Variants in CFAP77 observed in about 807,000 individuals in gnomAD.
The protein encoded by CFAP77 is cilia- and flagella-associated protein 77.
Under a neutral mutation model 31.1 loss-of-function variants are expected in CFAP77, and 25 were observed. The ratio of observed to expected loss-of-function variants is 0.80; its 90% CI spans 0.59 to 1.12. CFAP77 has a LOEUF of 1.12. Ranked by LOEUF, CFAP77 falls within the 50% of genes most tolerant of loss-of-function variation. The pLI is 0.00. For missense variants in CFAP77, 377 were observed against 397.3 expected, an observed-to-expected ratio of 0.95 and a Z score of 0.44; for synonymous variants, 151 against 159.9, an observed-to-expected ratio of 0.94 and a Z score of 0.42.
Position 132,482,959 on chromosome 9 carries a change from T to TAA in CFAP77, c.196-15736_196-15735insAA, listed in dbSNP as rs1270391519. 1.6e-3 allele frequency among the ~76,000 whole-genome samples: 164 copies of TAA among 105,014 alleles called. 2 individuals are homozygous for TAA. The highest frequency in any genetic ancestry group is 0.011 in the African/African-American group (160 of 15,040). 68.9% of individuals were successfully genotyped at this position (105,014 alleles called of 152,430 possible). On this transcript the variant is annotated intron_variant, in intron 1 of 5. Coordinates refer to ENST00000393216, the MANE Select transcript of CFAP77 (RefSeq NM_001282957.2). ...CTAAAACTTAAAGTATAATAATAATTTAAAAAAAAAAAAAAGAACGCACCC... is the reference window on the plus strand; with the variant it reads ...CTAAAACTTAAAGTATAATAATAATTAATAAAAAAAAAAAAAAGAACGCACCC...
At position 132,572,504 on chromosome 9, in the gene CFAP77, C is replaced by T. The variant is rs144864061; in HGVS notation, c.849C>T (p.His283=). Residue 283 remains histidine (H), a synonymous_variant, in exon 6 of 6, where the codon CAC becomes CAT. Transcript: ENST00000393216. Reference sequence around the variant, plus strand: ...CCCTGCGGATGGGCAACTACACCCACCCCTAGCCCCTCCCTCCCCTGCCAC... The same window carrying T: ...CCCTGCGGATGGGCAACTACACCCATCCCTAGCCCCTCCCTCCCCTGCCAC... ...QGTLRMGNYT[H]P 4.0e-5 allele frequency: 64 copies of T among 1,603,410 alleles called. No homozygotes were observed. The highest frequency in any genetic ancestry group is 5.2e-5 in the Non-Finnish European group (61 of 1,178,876).
At chr9:132,422,129 C>T (rs1850226486) in intron 1 of CFAP77, among the ~76,000 whole-genome samples, 1 of 152,208 alleles carries the variant, frequency 6.6e-6, no homozygotes, top group Non-Finnish European at 1.5e-5. Flanking sequence ...CTGCCTCAGC[C>T]TCCCCAGTAT....
rs1851423943 is a variant in CFAP77 at position 132,480,319 on chromosome 9, G to A, written c.196-18376G>A. 6.6e-6 allele frequency among the ~76,000 whole-genome samples: 1 copy of A among 152,204 alleles called. No homozygotes were observed. The highest frequency in any genetic ancestry group is 2.4e-5 in the African/African-American group (1 of 41,458). ...GGGGTCAACAGCAGGGCAGGAAAGG[G>A]CTTTCCCACTTTTTGCCCTCATAGC... On this transcript the variant is annotated intron_variant, in intron 1 of 5. Transcript: ENST00000393216. This position sits in a 1 kb window ranked among gnomAD's most constrained non-coding sequence, Gnocchi z 5.8.
intron 1 of CFAP77, among the ~76,000 whole-genome samples, chr9:132,441,892 C>A (rs1323194110): frequency 6.6e-6 from 1 of 152,218 alleles, no homozygotes; most frequent in African/African-American, 2.4e-5. Flanking sequence ...CCACCCCAGA[C>A]CTTCCTAATC....
intron 5 of CFAP77, among the ~76,000 whole-genome samples, chr9:132,561,662 C>CACA (rs1564253362): frequency 1.8e-4 from 9 of 50,138 alleles, no homozygotes; most frequent in South Asian, 5.0e-4. Context: ...CACACACACA[C>CACA]CCCCTCCATG....
intron 1 of CFAP77, among the ~76,000 whole-genome samples, chr9:132,437,858 A>G (rs975357185): frequency 4.6e-5 from 7 of 151,384 alleles, no homozygotes; most frequent in African/African-American, 1.5e-4. Context: ...AAATGGGTAT[A>G]TAGTAATTTC....
chr9:132,566,667 C>T (rs1005667218), intron 5 of CFAP77, among the ~76,000 whole-genome samples: 1 of 152,188 alleles, frequency 6.6e-6, no homozygotes, highest in South Asian at 2.1e-4. Flanking sequence ...AAGGGCCCAT[C>T]CCACCTGAGG....
intron 5 of CFAP77, among the ~76,000 whole-genome samples, chr9:132,555,880 C>A (rs1327952817): frequency 2.0e-5 from 3 of 151,984 alleles, no homozygotes; most frequent in Non-Finnish European, 4.4e-5. Context: ...TGGCAAGTGC[C>A]AATTAATATT....
intron 3 of CFAP77, among the ~76,000 whole-genome samples, chr9:132,537,120 G>A (rs1462071285): frequency 6.6e-6 from 1 of 152,186 alleles, no homozygotes; most frequent in African/African-American, 2.4e-5. Context: ...GCCAAGGGAG[G>A]GGCGGGGTCA....
chr9:132,458,357 G>GGTGGGGGTGGGGT (rs1554738863), intron 1 of CFAP77, among the ~76,000 whole-genome samples: 1 of 119,042 alleles, frequency 8.4e-6, no homozygotes, highest in Non-Finnish European at 1.7e-5. Flanking sequence ...GAGGGGGGGG[G>GGTGGGGGTGGGGT]GTGTGTATGG....
Position 132,523,180 on chromosome 9 carries a change from C to T in CFAP77, c.525-14421C>T, listed in dbSNP as rs191505417. On this transcript the variant is annotated intron_variant, in intron 3 of 5. Coordinates refer to ENST00000393216, the MANE Select transcript of CFAP77 (RefSeq NM_001282957.2). ...TCTGTTCACTGTAACCTCCGTCTTC[C>T]GGGTTCAAGCAATTCTCCTGCCTCA... is the stretch of plus-strand genomic sequence containing the variant. Among the ~76,000 whole-genome samples, 567 of 151,962 alleles carry T rather than the reference C, an allele frequency of 3.7e-3. 5 individuals carry two copies. The highest frequency in any genetic ancestry group is 0.013 in the African/African-American group (519 of 41,436).
At chr9:132,505,750 G>C (rs1021720923) in intron 3 of CFAP77, among the ~76,000 whole-genome samples, 3 of 152,262 alleles carry the variant, frequency 2.0e-5, no homozygotes, top group Admixed American at 2.0e-4. Context: ...CATCCCTTTG[G>C]ACAGAATCCA....
At chr9:132,528,512 T>G (rs1295512644) in intron 3 of CFAP77, among the ~76,000 whole-genome samples, 1 of 148,862 alleles carries the variant, frequency 6.7e-6, no homozygotes, top group Non-Finnish European at 1.5e-5. Flanking sequence ...AAATGGGATC[T>G]AATTAAACTA....
chr9:132,533,107 C>G, intron 3 of CFAP77, among the ~76,000 whole-genome samples: 2 of 152,340 alleles, frequency 1.3e-5, no homozygotes, highest in Middle Eastern at 6.8e-3. Context: ...AGCATGAGGC[C>G]TGGATGCAGC....
At position 132,423,047 on chromosome 9, in the gene CFAP77, G is replaced by A. The variant is rs1203178906; in HGVS notation, c.195+12581G>A. ...GGGAACCTGCTGGAGCAATTCCGGG[G>A]AGTCCCTTAGGGCTGAGTGTTGGGC... On this transcript the variant is annotated intron_variant, in intron 1 of 5. Transcript: ENST00000393216. 2.0e-5 allele frequency among the ~76,000 whole-genome samples: 3 copies of A among 152,196 alleles called. No individual in the cohort carries two copies. The East Asian group carries it at 5.8e-4, about 29-fold the overall frequency.
At chr9:132,546,918 C>G (rs1359602609) in intron 5 of CFAP77, among the ~76,000 whole-genome samples, 1 of 152,252 alleles carries the variant, frequency 6.6e-6, no homozygotes, top group Non-Finnish European at 1.5e-5. Context: ...ATTCTGTGAT[C>G]CCCAGTTCAC....
chr9:132,484,662 T>C (rs1851507281), intron 1 of CFAP77, among the ~76,000 whole-genome samples: 1 of 152,208 alleles, frequency 6.6e-6, no homozygotes, highest in Non-Finnish European at 1.5e-5. Flanking sequence ...TTCTGTCTGT[T>C]GGCTATTGTG....
intron 5 of CFAP77, among the ~76,000 whole-genome samples, chr9:132,551,061 C>G (rs1035110457): frequency 3.3e-5 from 5 of 152,012 alleles, no homozygotes; most frequent in African/African-American, 4.8e-5. Context: ...AAGACCGACT[C>G]TGTCTTCTTC....
rs139008147 is a variant in CFAP77, at chr9:132,458,357, G to GGGGGT, written c.196-40337_196-40336insGGGTG. 1.5e-3 allele frequency among the ~76,000 whole-genome samples: 178 copies of GGGGGT among 118,968 alleles called. 3 individuals carry two copies. The highest frequency in any genetic ancestry group is 1.9e-3 in the African/African-American group (58 of 31,000). The allele number at this position is 118,968 out of a possible 152,430, so 78.0% of individuals were successfully genotyped here. ...GTCTCCCTGGCGGGGGAGGGGGGGG[G>GGGGGT]GTGTGTATGGAAGGCTCAGCTCATC... On this transcript the variant is annotated intron_variant, in intron 1 of 5. Transcript: ENST00000393216.
Sources: allele counts gnomAD v4.1 joint callset (sites outside exome capture counted in the v4.1 genomes callset), GRCh38; gene constraint gnomAD v4.1.1; non-coding constraint Gnocchi (gnomAD v3.1); transcripts MANE v1.5; gene names NCBI Gene and HGNC (gene_info 2026-07-23, HGNC 2026-07-21).